SREBF2: variants seen among roughly 807,000 people sequenced by gnomAD.
The protein encoded by SREBF2 is sterol regulatory element-binding protein 2.
Under a neutral mutation model 113.1 loss-of-function variants are expected in SREBF2, and 55 were observed. The observed-to-expected ratio is 0.49, with a 90% confidence interval of 0.39 to 0.61. The LOEUF (loss-of-function observed/expected upper bound fraction) is 0.61. Ranked by LOEUF, SREBF2 falls within the 20% of genes least tolerant of loss-of-function variation. SREBF2 has a pLI of 0.00. For synonymous variants in SREBF2, 593 were observed against 605.7 expected, an observed-to-expected ratio of 0.98 and a Z score of 0.31; for missense variants, 1,349 against 1,487.4, an observed-to-expected ratio of 0.91 and a Z score of 1.53.
In SREBF2 at chr22:41,877,963, G is replaced by GAAGAGAAGAGAA. The variant is rs2077212326; in HGVS notation, c.1601_1602insAAGAGAAGAGAA (p.Trp534delinsTer). ...TTAGGTTCTGGGGGCTGGTTTGACT[G>GAAGAGAAGAGAA]GATGATGCCTACTCTTCTCTTATGG... On this transcript the variant is annotated stop_gained, in exon 9 of 19. Transcript: ENST00000361204. LOFTEE classifies it high-confidence loss of function. 6.2e-7 allele frequency: 1 copy of GAAGAGAAGAGAA among 1,614,052 alleles called. No homozygotes were observed. Among genetic ancestry groups the GAAGAGAAGAGAA allele is most frequent in the African/African-American group, 1.3e-5 (1 of 74,910 alleles).
At chr22:41,846,946 A>T (rs548324210) in intron 1 of SREBF2, among the ~76,000 whole-genome samples, 12 of 152,296 alleles carry the variant, frequency 7.9e-5, no homozygotes, top group Admixed American at 1.3e-4. Flanking sequence ...AATACTTTTC[A>T]GTCTTTGCCC....
chr22:41,872,208 C>T (rs1254325127), intron 4 of SREBF2, among the ~76,000 whole-genome samples: 1 of 150,906 alleles, frequency 6.6e-6, no homozygotes, highest in Non-Finnish European at 1.5e-5. Flanking sequence ...CAAGATTGCG[C>T]CACTGCACTC....
chr22:41,844,435 G>A (rs1357358846), intron 1 of SREBF2, among the ~76,000 whole-genome samples: 1 of 152,170 alleles, frequency 6.6e-6, no homozygotes, highest in Non-Finnish European at 1.5e-5. Flanking sequence ...CAGTCACAGA[G>A]TGTGGTGCAA....
intron 4 of SREBF2, among the ~76,000 whole-genome samples, chr22:41,871,898 CAA>C (rs34718352): frequency 1.4e-4 from 15 of 103,674 alleles, no homozygotes; most frequent in Admixed American, 9.8e-5. Context: ...GACTGACTCT[CAA>C]AAAAAAAAAA....
rs1319997351 is a variant in SREBF2 at position 41,873,836 on chromosome 22, G to T, written c.906G>T (p.Met302Ile). 1.2e-6 allele frequency: 2 copies of T among 1,612,316 alleles called. No individual in the cohort carries two copies. Among genetic ancestry groups the T allele is most frequent in the Admixed American group, 1.7e-5 (1 of 59,720 alleles). Reference protein sequence around the residue: ...VGSSGTILTTMPVMMGQEKVP... With the variant: ...VGSSGTILTTIPVMMGQEKVP... ...GCAGTGGGACCATTCTGACCACAAT[G>T]CCTGTAATGATGGGGCAAGAGAAAG... is the stretch of plus-strand genomic sequence containing the variant. The change falls in exon 5 of 19, where the codon ATG (methionine) becomes ATT (isoleucine). Residue 302 changes from methionine (M) to isoleucine (I), a missense_variant. Transcript: ENST00000361204.
intron 7 of SREBF2, 83 bp from the exon 8 acceptor site, chr22:41,877,146 T>C: frequency 1.5e-6 from 2 of 1,355,152 alleles, no homozygotes; most frequent in East Asian, 2.5e-5. Context: ...TCATAACCAT[T>C]TCTCAATATA....
chr22:41,853,537 T>G (rs2076951116), intron 1 of SREBF2, among the ~76,000 whole-genome samples: 1 of 152,200 alleles, frequency 6.6e-6, no homozygotes, highest in South Asian at 2.1e-4. Flanking sequence ...CTCTTTGAGG[T>G]CAAGGACTAA....
At position 41,906,654 on chromosome 22, in the gene SREBF2, T is replaced by G. The variant is rs193248272; in HGVS notation, c.*994T>G. The G allele has an allele frequency of 2.6e-5, 4 of 152,424 alleles. No homozygotes were observed. In the East Asian group the frequency reaches 7.7e-4, roughly 29 times the overall value. 9.4% of individuals were successfully genotyped at this position (152,424 alleles called of 1,614,324 possible). ...TAGGATATTTTCATTTATGATGGGT[T>G]TATCAGGAAGTAACCCCATGGTAAG... On this transcript the variant is annotated 3_prime_UTR_variant, in exon 19 of 19. Transcript: ENST00000361204.
At chr22:41,866,400 A>G (rs79740336) in intron 1 of SREBF2, among the ~76,000 whole-genome samples, 4 of 152,202 alleles carry the variant, frequency 2.6e-5, no homozygotes, top group African/African-American at 9.6e-5. Context: ...AATTACAAAA[A>G]TTAGCCGGGC....
At chr22:41,902,774 C>CT (rs1283520129) in intron 16 of SREBF2, among the ~76,000 whole-genome samples, 196 bp from the exon 17 acceptor site, 1 of 152,242 alleles carries the variant, frequency 6.6e-6, no homozygotes, top group Non-Finnish European at 1.5e-5. Context: ...CTCCCACCTC[C>CT]TGGGGCCATG....
At position 41,902,970 on chromosome 22, in the gene SREBF2, G is replaced by A; in HGVS notation, c.2908G>A (p.Val970Met). 1 of 1,609,542 alleles carries A rather than the reference G, an allele frequency of 6.2e-7. No individual in the cohort carries two copies. The highest frequency in any genetic ancestry group is 8.5e-7 in the Non-Finnish European group (1 of 1,178,178). ...GATSDPALNH[V>M]VQLLTCDLLL... ...CCCTCTCTCGTGGCTGACCCCACAG[G>A]TGGTCCAGCTGCTCACCTGTGACCT... Residue 970 changes from valine to methionine, a missense_variant and splice_region_variant, in exon 17 of 19, where the codon GTG (valine) becomes ATG (methionine). Val to Met is a conservative substitution (Grantham distance 21). This residue lies in a region of SREBF2 where 650 missense variants were observed against 644.1 expected (regional missense o/e 1.01). Coordinates refer to ENST00000361204, the MANE Select transcript of SREBF2 (RefSeq NM_004599.4).
chr22:41,886,051 G>C (rs1047071523), intron 11 of SREBF2: 1 of 152,188 alleles, frequency 6.6e-6, no homozygotes, highest in Non-Finnish European at 1.5e-5. Context: ...ACTGAGCACC[G>C]TCTCTAAGCA....
In SREBF2 at chr22:41,843,569, C is replaced by T. The variant is rs138750929; in HGVS notation, c.88+10211C>T. ...TAAGTGATGGAACAGTGGCCTAAAT[C>T]CAACATGTGCAACTTTAGAACCCAT... is the stretch of plus-strand genomic sequence containing the variant. On this transcript the variant is annotated intron_variant, in intron 1 of 18. Coordinates refer to ENST00000361204, the MANE Select transcript of SREBF2 (RefSeq NM_004599.4). Among the ~76,000 whole-genome samples, 12 of 152,318 alleles carry T rather than the reference C, an allele frequency of 7.9e-5. No homozygotes were observed. The East Asian group carries it at 2.3e-3, about 29-fold the overall frequency.
chr22:41,835,189 T>A (rs1448316346), intron 1 of SREBF2, among the ~76,000 whole-genome samples: 1 of 14,586 alleles, frequency 6.9e-5, no homozygotes, highest in Admixed American at 1.2e-3. Context: ...TGAGACAGGG[T>A]CTCATTCTGT....
intron 1 of SREBF2, among the ~76,000 whole-genome samples, chr22:41,864,959 AAG>A (rs1455378121): frequency 7.9e-5 from 12 of 151,924 alleles, no homozygotes; most frequent in Non-Finnish European, 1.6e-4. Context: ...TCTCAAAAAA[AAG>A]AGAGACAGAG....
In SREBF2 at chr22:41,854,021, C is replaced by T. The variant is rs540543330; in HGVS notation, c.89-12810C>T. 4.5e-3 allele frequency among the ~76,000 whole-genome samples: 621 copies of T among 139,050 alleles called. 6 individuals are homozygous for T. Among genetic ancestry groups the T allele is most frequent in the African/African-American group, 0.016 (597 of 37,270 alleles). The allele number at this position is 139,050 out of a possible 152,430, so 91.2% of individuals were successfully genotyped here. ...CTGCACTCCATCCTGGGCGACAGAG[C>T]GAGACTCCATCTCAAAAAAAAAAAA... On this transcript the variant is annotated intron_variant, in intron 1 of 18. Transcript: ENST00000361204.
intron 9 of SREBF2, 137 bp from the exon 10 acceptor site, chr22:41,880,579 C>A: frequency 8.7e-7 from 1 of 1,154,642 alleles, no homozygotes; most frequent in Non-Finnish European, 1.3e-6. Context: ...TTTCTTGTAG[C>A]TTTCTGAAGT....
intron 11 of SREBF2, among the ~76,000 whole-genome samples, chr22:41,892,084 C>G (rs1202888363): frequency 6.6e-5 from 10 of 152,136 alleles, no homozygotes; most frequent in Non-Finnish European, 1.5e-4. Flanking sequence ...GGGGCTCATG[C>G]AGGGGTGCCA....
At chr22:41,840,189 T>A (rs6519292) in intron 1 of SREBF2, among the ~76,000 whole-genome samples, 111,586 of 151,792 alleles carry the variant, frequency 0.74, 41,455 homozygotes, top group Admixed American at 0.81. Context: ...TGAACTCCTG[T>A]CCTTGTGATC....
Sources: allele counts gnomAD v4.1 joint callset (sites outside exome capture counted in the v4.1 genomes callset), GRCh38; gene constraint gnomAD v4.1.1; regional missense constraint gnomAD v4.1.1; transcripts MANE v1.5; gene names NCBI Gene and HGNC (gene_info 2026-07-23, HGNC 2026-07-21).